The following NELL1 variants were observed in gnomAD, a reference collection of about 807,000 sequenced individuals.
NELL1 encodes the protein protein kinase C-binding protein NELL1.
NELL1 carries 76 observed loss-of-function variants against 107.4 expected under a neutral mutation model. That is an observed-to-expected ratio of 0.71 (90% CI 0.59 to 0.86). The LOEUF (loss-of-function observed/expected upper bound fraction) is 0.86, where lower values mean the gene tolerates loss of function less well. Among genes scored for constraint, NELL1 ranks in the 40% least tolerant of loss-of-function variants. The probability of loss-of-function intolerance (pLI) is 0.00; values close to 1 mark genes in which losing one functional copy is unlikely to be tolerated. For synonymous variants in NELL1, 353 were observed against 341.2 expected, an observed-to-expected ratio of 1.03 and a Z score of -0.38; for missense variants, 1,024 against 1,005.5, an observed-to-expected ratio of 1.02 and a Z score of -0.25.
chr11:21,085,421 G>A (rs938010034), intron 12 of NELL1, among the ~76,000 whole-genome samples: 3 of 152,068 alleles, frequency 2.0e-5, no homozygotes, highest in Non-Finnish European at 4.4e-5. Flanking sequence ...ATCACTTGAG[G>A]CCCCAAGTTT....
chr11:21,547,551 A>G (rs999991233), intron 16 of NELL1, among the ~76,000 whole-genome samples: 3 of 151,968 alleles, frequency 2.0e-5, no homozygotes, highest in Non-Finnish European at 4.4e-5. Flanking sequence ...TCATTTGTAA[A>G]GAAGTCACAA....
At chr11:21,516,247 A>G (rs1053391669) in intron 15 of NELL1, among the ~76,000 whole-genome samples, 4 of 152,188 alleles carry the variant, frequency 2.6e-5, no homozygotes, top group African/African-American at 9.7e-5. Context: ...CAGGGTTGCT[A>G]TGGTGACTAA....
chr11:21,169,256 A>G (rs1044238139), intron 13 of NELL1, among the ~76,000 whole-genome samples: 2 of 151,852 alleles, frequency 1.3e-5, no homozygotes, highest in African/African-American at 4.9e-5. Context: ...AGGGTTCCAC[A>G]CAGGGTACTC....
rs553460281 is a variant in NELL1 at position 21,077,794 on chromosome 11, A to G, written c.1301-35795A>G. Among the ~76,000 whole-genome samples the G allele has an allele frequency of 9.2e-5, 14 of 152,148 alleles. No homozygotes were observed. The South Asian group carries it at 2.7e-3, about 29-fold the overall frequency. The stretch of plus-strand genomic sequence containing the variant: ...AATTCCCATACTGTAACATAAATAA[A>G]TAACATATTACAAAATAGAACTAAT... On this transcript the variant is annotated intron_variant, in intron 12 of 19. Coordinates refer to ENST00000357134, the MANE Select transcript of NELL1 (RefSeq NM_006157.5).
At chr11:21,427,940 T>C (rs1308712114) in intron 15 of NELL1, among the ~76,000 whole-genome samples, 1 of 152,168 alleles carries the variant, frequency 6.6e-6, no homozygotes. Flanking sequence ...ATACTCTGTG[T>C]GAGGTGCTCT....
chr11:21,102,917 A>G (rs1590638097), intron 12 of NELL1, among the ~76,000 whole-genome samples: 1 of 152,194 alleles, frequency 6.6e-6, no homozygotes, highest in South Asian at 2.1e-4. Flanking sequence ...GGTTTTCATA[A>G]TAAGGTCATA....
chr11:21,517,264 G>T (rs563225839), intron 15 of NELL1, among the ~76,000 whole-genome samples: 9 of 152,248 alleles, frequency 5.9e-5, no homozygotes, highest in Admixed American at 5.9e-4. Context: ...CAAGTTCAAT[G>T]AAAACTATGT....
chr11:20,814,812 T>C (rs1370673311), intron 3 of NELL1, among the ~76,000 whole-genome samples: 1 of 152,198 alleles, frequency 6.6e-6, no homozygotes, highest in Non-Finnish European at 1.5e-5. Context: ...TTTGGATATA[T>C]ACCCAGTAAA....
chr11:21,119,366 C>T (rs967274265), intron 13 of NELL1, among the ~76,000 whole-genome samples: 2 of 139,366 alleles, frequency 1.4e-5, no homozygotes, highest in African/African-American at 2.7e-5. Context: ...TCTTACCCAA[C>T]ATTTTTCTTG....
intron 13 of NELL1, among the ~76,000 whole-genome samples, chr11:21,140,198 G>T (rs1855835439): frequency 6.6e-6 from 1 of 152,018 alleles, no homozygotes; most frequent in African/African-American, 2.4e-5. Flanking sequence ...AAAGCACCTG[G>T]GCTATGTGTG....
intron 15 of NELL1, among the ~76,000 whole-genome samples, chr11:21,521,818 T>A (rs185396387): frequency 3.3e-5 from 5 of 152,328 alleles, no homozygotes; most frequent in Admixed American, 6.5e-5. Context: ...TGTAAAATGA[T>A]ATCTTGTGGT....
chr11:21,506,236 A>G (rs1415412387), intron 15 of NELL1, among the ~76,000 whole-genome samples: 1 of 152,214 alleles, frequency 6.6e-6, no homozygotes, highest in Admixed American at 6.5e-5. Context: ...GACATTGTCA[A>G]GAAACTTAAG....
chr11:20,755,558 T>TTTTA (rs1267991719), intron 2 of NELL1, among the ~76,000 whole-genome samples: 1 of 16,432 alleles, frequency 6.1e-5, no homozygotes, highest in African/African-American at 1.1e-4. Flanking sequence ...TTGTTTTTGT[T>TTTTA]TTTGTTTTTT....
At chr11:20,727,652 T>G (rs1399628625) in intron 2 of NELL1, among the ~76,000 whole-genome samples, 1 of 152,240 alleles carries the variant, frequency 6.6e-6, no homozygotes, top group East Asian at 1.9e-4. Context: ...TTTGGTATTT[T>G]AGTCATGAAG....
chr11:20,799,381 GTTAC>G (rs1857236765), intron 3 of NELL1, among the ~76,000 whole-genome samples: 1 of 152,190 alleles, frequency 6.6e-6, no homozygotes, highest in African/African-American at 2.4e-5. Flanking sequence ...CAGGACAACA[GTTAC>G]TTACTAAGTG....
chr11:20,772,185 T>C (rs941919515), intron 2 of NELL1, among the ~76,000 whole-genome samples: 2 of 152,158 alleles, frequency 1.3e-5, no homozygotes, highest in Admixed American at 6.5e-5. Flanking sequence ...CACCAAACTT[T>C]TAAAGCAGGC....
chr11:20,822,372 A>AT (rs1857775209), intron 3 of NELL1, among the ~76,000 whole-genome samples: 1 of 152,178 alleles, frequency 6.6e-6, no homozygotes, highest in African/African-American at 2.4e-5. Flanking sequence ...AGATGATCAA[A>AT]TTTTCTACCT....
intron 2 of NELL1, among the ~76,000 whole-genome samples, chr11:20,764,948 G>A (rs1271981029): frequency 6.6e-6 from 1 of 152,104 alleles, no homozygotes; most frequent in Non-Finnish European, 1.5e-5. Context: ...GATCACTTGA[G>A]GTCAGGGGTT....
At chr11:21,083,553 G>T (rs548194119) in intron 12 of NELL1, among the ~76,000 whole-genome samples, 3 of 152,130 alleles carry the variant, frequency 2.0e-5, no homozygotes, top group Admixed American at 1.3e-4. Flanking sequence ...CTATCACAGG[G>T]TGAGTGGAAG....
Sources: gnomAD v4.1 joint callset for allele counts (sites outside exome capture counted in the v4.1 genomes callset) on GRCh38, gnomAD v4.1.1 for gene constraint, MANE v1.5 for transcripts, NCBI Gene and HGNC (gene_info 2026-07-23, HGNC 2026-07-21) for gene names.